TMEM123: variants seen among roughly 807,000 people sequenced by gnomAD.
The protein encoded by TMEM123 is porimin.
TMEM123 carries 16 observed loss-of-function variants against 19.7 expected under a neutral mutation model. The ratio of observed to expected loss-of-function variants is 0.81; its 90% CI spans 0.55 to 1.23. TMEM123 has a LOEUF of 1.23. Ranked by LOEUF, TMEM123 falls within the 50% of genes most tolerant of loss-of-function variation. The pLI, the probability that TMEM123 is intolerant of heterozygous loss-of-function variation, is 0.00. For missense variants in TMEM123, 313 were observed against 257.8 expected, an observed-to-expected ratio of 1.21 and a Z score of -1.47; for synonymous variants, 118 against 99.4, an observed-to-expected ratio of 1.19 and a Z score of -1.12.
intron 4 of TMEM123, among the ~76,000 whole-genome samples, chr11:102,400,154 T>C (rs200943455): frequency 2.0e-5 from 3 of 152,356 alleles, no homozygotes; most frequent in East Asian, 3.9e-4. Flanking sequence ...TTATGTGTAC[T>C]GAATCATATG....
chr11:102,432,610 C>T (rs1857723340), intron 2 of TMEM123, among the ~76,000 whole-genome samples: 1 of 152,244 alleles, frequency 6.6e-6, no homozygotes, highest in South Asian at 2.1e-4. Context: ...AGGAGAAATT[C>T]AAGCCGGCTG....
chr11:102,446,741 C>T (rs1057303610), intron 2 of TMEM123, among the ~76,000 whole-genome samples: 1 of 152,200 alleles, frequency 6.6e-6, no homozygotes, highest in Non-Finnish European at 1.5e-5. Context: ...GAAATTCCAA[C>T]GTGGTGAGTC....
chr11:102,452,020 G>A (rs1238632399), intron 1 of TMEM123, among the ~76,000 whole-genome samples: 1 of 152,234 alleles, frequency 6.6e-6, no homozygotes, highest in African/African-American at 2.4e-5. Context: ...GCGTCAGGGG[G>A]ACCTAAAGAT....
intron 1 of TMEM123, 135 bp downstream of exon 1, chr11:102,452,389 T>G: frequency 2.9e-6 from 2 of 694,210 alleles, no homozygotes; most frequent in African/African-American, 1.9e-5. Context: ...CCCCGCCCGG[T>G]CACCTCTGGG....
chr11:102,396,555 A>G lies in TMEM123; in HGVS notation c.*2312T>C, dbSNP rs1591550741. 1 of 152,310 alleles carries G rather than the reference A, an allele frequency of 6.6e-6. No homozygotes were observed. The highest frequency in any genetic ancestry group is 1.9e-4 in the East Asian group (1 of 5,188). 9.4% of individuals were successfully genotyped at this position (152,310 alleles called of 1,614,324 possible). ...AAATTGGCTTCTGCCTAGTACTTATACATCTGGATTGTTTGTTTTGATCTT... is the reference window on the plus strand; with the variant it reads ...AAATTGGCTTCTGCCTAGTACTTATGCATCTGGATTGTTTGTTTTGATCTT... On this transcript the variant is annotated 3_prime_UTR_variant, in exon 5 of 5. Coordinates refer to ENST00000398136, the MANE Select transcript of TMEM123 (RefSeq NM_052932.3).
At chr11:102,427,085 G>A (rs1211542509) in intron 2 of TMEM123, among the ~76,000 whole-genome samples, 1 of 149,888 alleles carries the variant, frequency 6.7e-6, no homozygotes, top group African/African-American at 2.5e-5. Flanking sequence ...TTTTTTGCTG[G>A]TTCTCTTTTT....
At chr11:102,432,117 G>A (rs1046249369) in intron 2 of TMEM123, among the ~76,000 whole-genome samples, 1 of 152,210 alleles carries the variant, frequency 6.6e-6, no homozygotes, top group African/African-American at 2.4e-5. Context: ...CTACTCTAAG[G>A]ATAGCTGAAA....
chr11:102,432,810 G>A (rs946572500), intron 2 of TMEM123, among the ~76,000 whole-genome samples: 1 of 152,238 alleles, frequency 6.6e-6, no homozygotes, highest in African/African-American at 2.4e-5. Flanking sequence ...GGGACATAGT[G>A]CCCTGCGTCT....
intron 2 of TMEM123, among the ~76,000 whole-genome samples, chr11:102,406,314 A>T (rs1194552043): frequency 6.6e-6 from 1 of 152,090 alleles, no homozygotes; most frequent in Non-Finnish European, 1.5e-5. Flanking sequence ...GCCATCCTCC[A>T]CCTTACACCA....
At chr11:102,433,786 G>A (rs376020206) in intron 2 of TMEM123, among the ~76,000 whole-genome samples, 12 of 151,718 alleles carry the variant, frequency 7.9e-5, no homozygotes, top group African/African-American at 2.7e-4. Flanking sequence ...TTTCCCCTAC[G>A]CTGTTCTCGT....
At chr11:102,426,292 A>C (rs937740094) in intron 2 of TMEM123, among the ~76,000 whole-genome samples, 3 of 152,208 alleles carry the variant, frequency 2.0e-5, no homozygotes, top group Admixed American at 1.3e-4. Context: ...AACAGTTAAC[A>C]CATCCATAGC....
intron 2 of TMEM123, among the ~76,000 whole-genome samples, chr11:102,419,654 T>C (rs1952070205): frequency 6.6e-6 from 1 of 152,222 alleles, no homozygotes; most frequent in African/African-American, 2.4e-5. Context: ...GTGAGCTCAA[T>C]AGGTCTCTAT....
chr11:102,425,583 CT>C (rs1167174586), intron 2 of TMEM123, among the ~76,000 whole-genome samples: 1,563 of 107,874 alleles, frequency 0.014, 11 homozygotes, highest in African/African-American at 0.047. Context: ...TTTCTTTTTT[CT>C]TTTTTTTTTT....
chr11:102,416,802 A>T (rs1168641219), intron 2 of TMEM123, among the ~76,000 whole-genome samples: 3 of 152,196 alleles, frequency 2.0e-5, no homozygotes, highest in Admixed American at 1.3e-4. Flanking sequence ...ATCCACCATG[A>T]TCAAGTAGGC....
chr11:102,448,053 T>C (rs929741445), intron 2 of TMEM123, among the ~76,000 whole-genome samples: 3 of 152,210 alleles, frequency 2.0e-5, no homozygotes, highest in Non-Finnish European at 4.4e-5. Flanking sequence ...GCTTGGTCCA[T>C]TTTGTATTCT....
chr11:102,449,939 A>T (rs1452205529), intron 1 of TMEM123, among the ~76,000 whole-genome samples: 1 of 152,216 alleles, frequency 6.6e-6, no homozygotes, highest in Non-Finnish European at 1.5e-5. Context: ...AAGCCTGCAG[A>T]TATGAGTGCC....
rs1022332275 is a variant in TMEM123 at position 102,398,663 on chromosome 11, A to G, written c.*204T>C. On this transcript the variant is annotated 3_prime_UTR_variant, in exon 5 of 5. Coordinates refer to ENST00000398136, the MANE Select transcript of TMEM123 (RefSeq NM_052932.3). Reference sequence around the variant, plus strand: ...GCTAAAACCATTGTATGAACGGTCTATAAGGATCCAGATGTTTATTTCAAA... The same window carrying G: ...GCTAAAACCATTGTATGAACGGTCTGTAAGGATCCAGATGTTTATTTCAAA... 40 of 435,310 alleles carry G rather than the reference A, an allele frequency of 9.2e-5. No homozygotes were observed. Among genetic ancestry groups the G allele is most frequent in the African/African-American group, 2.0e-4 (2 of 9,878 alleles). The allele number at this position is 435,310 out of a possible 1,614,324, so 27.0% of individuals were successfully genotyped here.
At chr11:102,405,765 C>T (rs1261385247) in intron 2 of TMEM123, among the ~76,000 whole-genome samples, 4 of 152,072 alleles carry the variant, frequency 2.6e-5, no homozygotes, top group Non-Finnish European at 4.4e-5. Context: ...AAATAGGAAG[C>T]TATAATAGGT....
intron 2 of TMEM123, among the ~76,000 whole-genome samples, chr11:102,443,530 T>G (rs577444701): frequency 6.6e-6 from 1 of 152,104 alleles, no homozygotes; most frequent in Non-Finnish European, 1.5e-5. Flanking sequence ...CCTTATACAT[T>G]ATACAAAATT....
Sources: gnomAD v4.1 joint callset for allele counts (sites outside exome capture counted in the v4.1 genomes callset) on GRCh38, gnomAD v4.1.1 for gene constraint, MANE v1.5 for transcripts, NCBI Gene and HGNC (gene_info 2026-07-23, HGNC 2026-07-21) for gene names.